Variants in HEPHL1 observed in about 807,000 individuals in gnomAD.
The protein encoded by HEPHL1 is ferroxidase HEPHL1.
Under a neutral mutation model 122.0 loss-of-function variants are expected in HEPHL1, and 123 were observed. That is an observed-to-expected ratio of 1.01 (90% CI 0.87 to 1.17). HEPHL1 has a LOEUF of 1.17. Ranked by LOEUF, HEPHL1 falls within the 50% of genes most tolerant of loss-of-function variation. The pLI is 0.00. For missense variants in HEPHL1, 1,452 were observed against 1,430.5 expected, an observed-to-expected ratio of 1.01 and a Z score of -0.24; for synonymous variants, 527 against 508.9, an observed-to-expected ratio of 1.04 and a Z score of -0.48.
In HEPHL1 at chr11:94,044,939, G is replaced by A. The variant is rs566385276; in HGVS notation, c.171-734G>A. On this transcript the variant is annotated intron_variant, in intron 1 of 19. Coordinates refer to ENST00000315765, the MANE Select transcript of HEPHL1 (RefSeq NM_001098672.2). The stretch of plus-strand genomic sequence containing the variant: ...TATGCCTGGCTATTTTTTTTAAGAC[G>A]GAATCTTGATCTGTCACCCAGGCTG... Among the ~76,000 whole-genome samples, 20 of 151,450 alleles carry A rather than the reference G, an allele frequency of 1.3e-4. No individual in the cohort carries two copies. In the South Asian group the frequency reaches 2.5e-3, roughly 19 times the overall value.
chr11:94,051,547 C>T (rs955144180), intron 2 of HEPHL1, among the ~76,000 whole-genome samples: 3 of 151,740 alleles, frequency 2.0e-5, no homozygotes, highest in Admixed American at 1.3e-4. Flanking sequence ...GTTATTAATC[C>T]CAGATAGGTA....
rs372717480 is a variant in HEPHL1 at position 94,067,516 on chromosome 11, G to A, written c.829G>A (p.Gly277Arg). The change falls in exon 5 of 20, where the codon GGA becomes AGA. Residue 277 changes from glycine to arginine, a missense_variant. Gly to Arg is a moderately radical substitution (Grantham distance 125). Transcript: ENST00000315765. The part of the protein sequence containing the change: ...KMHALNGYLF[G>R]NFPEPDMCVG... ...TCCAGCCCTCAATGGATACCTCTTC[G>A]GAAACTTCCCGGAGCCTGATATGTG... The A allele has an allele frequency of 6.0e-5, 96 of 1,613,326 alleles. No individual in the cohort carries two copies. Among genetic ancestry groups the A allele is most frequent in the Non-Finnish European group, 7.1e-5 (84 of 1,179,582 alleles).
chr11:94,111,779 T>C lies in HEPHL1; in HGVS notation c.3365T>C (p.Ile1122Thr), dbSNP rs530059350. 12 of 1,594,966 alleles carry C rather than the reference T, an allele frequency of 7.5e-6. No homozygotes were observed. Among genetic ancestry groups the C allele is most frequent in the African/African-American group, 1.3e-5 (1 of 74,398 alleles). ...AKAALVILFI[I>T]GLLLLITTVI... ...GCAGCCTTGGTCATCCTTTTCATCATTGGACTCCTCCTTCTAATCACCACG... is the reference window on the plus strand; with the variant it reads ...GCAGCCTTGGTCATCCTTTTCATCACTGGACTCCTCCTTCTAATCACCACG... The change falls in exon 20 of 20, where the codon ATT becomes ACT. Residue 1122 changes from isoleucine to threonine, a missense_variant. Transcript: ENST00000315765.
At position 94,111,672 on chromosome 11, in the gene HEPHL1, C is replaced by T; in HGVS notation, c.3278-20C>T. On this transcript the variant is annotated intron_variant, in intron 19 of 19. Coordinates refer to ENST00000315765, the MANE Select transcript of HEPHL1 (RefSeq NM_001098672.2). ...CCCCTCAAAAATGTCAGGGGCCTGA[C>T]AAGTTTATCTTTTTCACAGAACGAC... 3.7e-6 allele frequency: 6 copies of T among 1,612,788 alleles called. No homozygotes were observed. The highest frequency in any genetic ancestry group is 5.1e-6 in the Non-Finnish European group (6 of 1,179,188).
intron 1 of HEPHL1, among the ~76,000 whole-genome samples, chr11:94,031,126 C>T (rs1008083775): frequency 6.6e-6 from 1 of 151,552 alleles, no homozygotes; most frequent in African/African-American, 2.4e-5. Context: ...TTCAATAAAA[C>T]GTGAGCTTGT....
At chr11:94,037,548 TG>T (rs1237581823) in intron 1 of HEPHL1, among the ~76,000 whole-genome samples, 1 of 152,132 alleles carries the variant, frequency 6.6e-6, no homozygotes, top group Non-Finnish European at 1.5e-5. Context: ...CCTCCTCAAG[TG>T]GGTCCCTGAC....
Position 94,070,376 on chromosome 11 carries a change from G to T in HEPHL1, c.1066G>T (p.Gly356Cys), listed in dbSNP as rs534694216. 3 of 1,589,212 alleles carry T rather than the reference G, an allele frequency of 1.9e-6. No individual in the cohort carries two copies. The highest frequency in any genetic ancestry group is 1.1e-5 in the South Asian group (1 of 87,412). Residue 356 changes from glycine (G) to cysteine (C), a missense_variant and splice_region_variant, in exon 6 of 20, where the codon GGT (glycine) becomes TGT (cysteine). Physicochemically the swap from Gly to Cys is radical, Grantham distance 159. Coordinates refer to ENST00000315765, the MANE Select transcript of HEPHL1 (RefSeq NM_001098672.2). ...TCQVSDHLQA[G>C]MLGQYNVDNC... ...CGTGGTTTTCCTCTGTTCTGCAGCT[G>T]GTATGCTGGGGCAATACAATGTTGA...
chr11:94,045,319 C>G (rs1225305536), intron 1 of HEPHL1, among the ~76,000 whole-genome samples: 1 of 152,346 alleles, frequency 6.6e-6, no homozygotes, highest in Middle Eastern at 3.4e-3. Flanking sequence ...TGTACACCAT[C>G]TAGTCACAGG....
At chr11:94,033,509 C>A (rs1056165682) in intron 1 of HEPHL1, among the ~76,000 whole-genome samples, 1 of 152,124 alleles carries the variant, frequency 6.6e-6, no homozygotes, top group African/African-American at 2.4e-5. Context: ...ATATCCACAG[C>A]GGACATCTAG....
intron 12 of HEPHL1, 127 bp downstream of exon 12, chr11:94,089,095 C>T: frequency 2.3e-6 from 2 of 861,900 alleles, no homozygotes; most frequent in South Asian, 1.6e-5. Flanking sequence ...GAGACTTTTA[C>T]TTATGTGCAC....
At chr11:94,055,168 G>T (rs745390638) in intron 2 of HEPHL1, 52 of 221,992 alleles carry the variant, frequency 2.3e-4, no homozygotes, top group Non-Finnish European at 3.6e-4. Flanking sequence ...CAGTGAATTG[G>T]CACTCAGCTC....
At chr11:94,052,126 T>C (rs1201618324) in intron 2 of HEPHL1, among the ~76,000 whole-genome samples, 1 of 152,140 alleles carries the variant, frequency 6.6e-6, no homozygotes, top group Non-Finnish European at 1.5e-5. Flanking sequence ...ATTCTGGTTT[T>C]TTTGTGGTTC....
intron 11 of HEPHL1, 90 bp from the exon 12 acceptor site, chr11:94,088,665 T>C (rs1021997390): frequency 2.0e-6 from 2 of 977,928 alleles, no homozygotes; most frequent in Non-Finnish European, 3.0e-6. Flanking sequence ...CTGGTTATTT[T>C]GTAATAAAAT....
At chr11:94,094,013 T>TATAAAA (rs1485344204) in intron 13 of HEPHL1, among the ~76,000 whole-genome samples, 2 of 121,688 alleles carry the variant, frequency 1.6e-5, no homozygotes, top group African/African-American at 7.6e-5. Flanking sequence ...TATATATATA[T>TATAAAA]AAAACTTTAA....
intron 1 of HEPHL1, among the ~76,000 whole-genome samples, chr11:94,031,230 C>G (rs1037805071): frequency 5.3e-5 from 8 of 152,190 alleles, no homozygotes; most frequent in African/African-American, 1.9e-4. Context: ...CCTCCGTCCT[C>G]CCTCCCACCT....
chr11:94,107,891 T>C (rs1946421106), intron 17 of HEPHL1, among the ~76,000 whole-genome samples: 1 of 151,906 alleles, frequency 6.6e-6, no homozygotes, highest in Non-Finnish European at 1.5e-5. Context: ...TTCATTTTCC[T>C]TGAGAAAATA....
Position 94,067,754 on chromosome 11 carries a change from A to G in HEPHL1, c.1063+4A>G. ...CAGGTCAGCGACCACCTACAAGGTA[A>G]AAAGGATAAAGACCAGAGTTGATAT... On this transcript the variant is annotated splice_donor_region_variant and intron_variant, in intron 5 of 19. Coordinates refer to ENST00000315765, the MANE Select transcript of HEPHL1 (RefSeq NM_001098672.2). 6.2e-7 allele frequency: 1 copy of G among 1,613,126 alleles called. No individual in the cohort carries two copies. The highest frequency in any genetic ancestry group is 8.5e-7 in the Non-Finnish European group (1 of 1,179,544).
chr11:94,099,326 C>T (rs979444077), intron 13 of HEPHL1, among the ~76,000 whole-genome samples: 15 of 152,176 alleles, frequency 9.9e-5, no homozygotes, highest in African/African-American at 2.9e-4. Context: ...TGCAGAACAG[C>T]GAATATTTCT....
Position 94,075,264 on chromosome 11 carries a change from A to T in HEPHL1, c.1595A>T (p.Asp532Val), listed in dbSNP as rs1011504654. Residue 532 changes from aspartate (D) to valine (V), a missense_variant, in exon 9 of 20, where the codon GAT (aspartate) becomes GTT (valine). Asp to Val is a radical substitution (Grantham distance 152). Coordinates refer to ENST00000315765, the MANE Select transcript of HEPHL1 (RefSeq NM_001098672.2). ...GAGAGCGTAAGCCCAACTGCTGGTG[A>T]TCCTCCCTGTCTGACCTATCTTTAC... ...VPESVSPTAG[D>V]PPCLTYLYFS... The T allele has an allele frequency of 8.7e-6, 14 of 1,613,460 alleles. No individual in the cohort carries two copies. Among genetic ancestry groups the T allele is most frequent in the East Asian group, 6.7e-5 (3 of 44,882 alleles).
Sources: gnomAD v4.1 joint callset for allele counts (sites outside exome capture counted in the v4.1 genomes callset) on GRCh38, gnomAD v4.1.1 for gene constraint, MANE v1.5 for transcripts, NCBI Gene and HGNC (gene_info 2026-07-23, HGNC 2026-07-21) for gene names.